SLC35C1: variants seen among roughly 807,000 people sequenced by gnomAD.
The protein encoded by SLC35C1 is GDP-fucose transporter 1.
SLC35C1 carries 8 observed loss-of-function variants against 23.2 expected under a neutral mutation model. The observed-to-expected ratio is 0.35, with a 90% CI of 0.20 to 0.62. SLC35C1 has a LOEUF of 0.62. Among genes scored for constraint, SLC35C1 ranks in the 20% least tolerant of loss-of-function variants. The pLI is 0.75. For missense variants in SLC35C1, 422 were observed against 478.6 expected (o/e 0.88, Z 1.10); for synonymous variants, 226 against 225.1 (o/e 1.00, Z -0.04).
chr11:45,812,831 G>C lies in SLC35C1; in HGVS notation c.*1496G>C. The C allele has an allele frequency of 2.8e-6, 1 of 361,378 alleles. No homozygotes were observed. Among genetic ancestry groups the C allele is most frequent in the South Asian group, 2.0e-5 (1 of 49,094 alleles). 22.4% of individuals were successfully genotyped at this position (361,378 alleles called of 1,614,324 possible). A position where few individuals can be genotyped will look rare whatever the true frequency, so the allele number is the denominator to read the frequency against. On this transcript the variant is annotated 3_prime_UTR_variant, in exon 2 of 2. Transcript: ENST00000314134. ...TTGCAGTCCCTGGCCCTTCTGGTGGGCATTTGGTATGTCCTTTCTCTTGGG... is the reference window on the plus strand; with the variant it reads ...TTGCAGTCCCTGGCCCTTCTGGTGGCCATTTGGTATGTCCTTTCTCTTGGG...
In SLC35C1 at chr11:45,805,306, G is replaced by C. The variant is rs967085137; in HGVS notation, c.-496G>C. 9.9e-7 allele frequency: 1 copy of C among 1,014,722 alleles called. No individual in the cohort carries two copies. Among genetic ancestry groups the C allele is most frequent in the Non-Finnish European group, 1.2e-6 (1 of 849,398 alleles). 62.9% of individuals were successfully genotyped at this position (1,014,722 alleles called of 1,614,324 possible). ...CTCCCTCCAGCCGCGCCCGGCCTCC[G>C]GCAGCTCCCTGTACGCCTCCCTCCC... On this transcript the variant is annotated 5_prime_UTR_variant, in exon 1 of 2. Coordinates refer to ENST00000314134, the MANE Select transcript of SLC35C1 (RefSeq NM_018389.5).
chr11:45,806,873 G>A (rs558179026), intron 1 of SLC35C1: 10 of 984,840 alleles, frequency 1.0e-5, no homozygotes, highest in Middle Eastern at 5.2e-4. Context: ...AGGACAATAC[G>A]TCTTTTAATA....
intron 1 of SLC35C1, among the ~76,000 whole-genome samples, chr11:45,808,444 T>G (rs2085900807): frequency 6.6e-6 from 1 of 152,028 alleles, no homozygotes; most frequent in East Asian, 1.9e-4. Context: ...GAAGTTGCAT[T>G]GAGCCAAGAT....
In SLC35C1 at chr11:45,805,662, C is replaced by T; in HGVS notation, c.-140C>T. 6.5e-7 allele frequency: 1 copy of T among 1,542,300 alleles called. No individual in the cohort carries two copies. On this transcript the variant is annotated 5_prime_UTR_variant, in exon 1 of 2. Transcript: ENST00000314134. ...AGCAGAACTTCTCAATCCATGAGGA[C>T]AATGGGGAGGCCTTTAGGCCAGCCC...
At position 45,806,275 on chromosome 11, in the gene SLC35C1, C is replaced by CT; in HGVS notation, c.475dup (p.Tyr159LeufsTer48). On this transcript the variant is annotated frameshift_variant, in exon 1 of 2. Coordinates refer to ENST00000314134, the MANE Select transcript of SLC35C1 (RefSeq NM_018389.5). LOFTEE classifies it high-confidence loss of function. ...CCACCGTCTTCAACGTGCTGCTCTC[C>CT]TACCTGCTGCTCAAGCAGACCACCT... 1 of 1,612,008 alleles carries CT rather than the reference C, an allele frequency of 6.2e-7. No homozygotes were observed. Among genetic ancestry groups the CT allele is most frequent in the Non-Finnish European group, 8.5e-7 (1 of 1,180,008 alleles).
At chr11:45,804,390 C>A, upstream of SLC35C1, 2 of 730,718 alleles carry the variant, frequency 2.7e-6, no homozygotes, top group Non-Finnish European at 3.3e-6. Flanking sequence ...AGCACGGGGT[C>A]GCGGGGCGGG....
upstream of SLC35C1, chr11:45,804,640 G>A: frequency 1.0e-6 from 1 of 985,884 alleles, no homozygotes; most frequent in South Asian, 4.7e-5. Context: ...GCCTCGGGGA[G>A]CGCTGCCGGG....
At chr11:45,807,599 G>A (rs1258084651) in intron 1 of SLC35C1, among the ~76,000 whole-genome samples, 1 of 152,136 alleles carries the variant, frequency 6.6e-6, no homozygotes, top group African/African-American at 2.4e-5. Flanking sequence ...TTTGCTGATG[G>A]CTCAGGGTCC....
At position 45,811,749 on chromosome 11, in the gene SLC35C1, G is replaced by A. The variant is rs1139267; in HGVS notation, c.*414G>A. Reference sequence around the variant, plus strand: ...CAAAGGCTTCACTGTACTCAGGGGAGATGGCCCTACCACAGCCACCTGGAG... The same window carrying A: ...CAAAGGCTTCACTGTACTCAGGGGAAATGGCCCTACCACAGCCACCTGGAG... On this transcript the variant is annotated 3_prime_UTR_variant, in exon 2 of 2. Coordinates refer to ENST00000314134, the MANE Select transcript of SLC35C1 (RefSeq NM_018389.5). 0.052 allele frequency: 8,526 copies of A among 163,266 alleles called. 326 individuals are homozygous for A. Among genetic ancestry groups the A allele is most frequent in the Non-Finnish European group, 0.073 (5,493 of 74,866 alleles). The allele number at this position is 163,266 out of a possible 1,614,324, so 10.1% of individuals were successfully genotyped here.
chr11:45,804,820 G>T (rs1253997207), upstream of SLC35C1: 1 of 985,796 alleles, frequency 1.0e-6, no homozygotes, highest in Non-Finnish European at 1.2e-6. Flanking sequence ...CGGGTCCTGG[G>T]TCGGGGTTCC....
Position 45,810,071 on chromosome 11 carries a change from C to T in SLC35C1, c.536-705C>T, listed in dbSNP as rs966938779. The T allele has an allele frequency of 1.7e-5, 17 of 985,238 alleles. No individual in the cohort carries two copies. In the African/African-American group the frequency reaches 1.9e-4, roughly 11 times the overall value. 61.0% of individuals were successfully genotyped at this position (985,238 alleles called of 1,614,324 possible). A position where few individuals can be genotyped will look rare whatever the true frequency, so the allele number is the denominator to read the frequency against. On this transcript the variant is annotated intron_variant, in intron 1 of 1. Transcript: ENST00000314134. The stretch of plus-strand genomic sequence containing the variant: ...AGGCCCAGGGTGAGAAGCAGGGAGA[C>T]GAGCAGGGAAGCTGGGGCGACCATA...
chr11:45,811,569 C>T lies in SLC35C1; in HGVS notation c.*234C>T. ...TACCAGAAAGTTGCCAAACCCTTCT[C>T]TATCCTCTCGTATTTCTGAGTTTTT... On this transcript the variant is annotated 3_prime_UTR_variant, in exon 2 of 2. Coordinates refer to ENST00000314134, the MANE Select transcript of SLC35C1 (RefSeq NM_018389.5). The T allele has an allele frequency of 2.2e-6, 1 of 461,012 alleles. No homozygotes were observed. The allele number at this position is 461,012 out of a possible 1,614,324, so 28.6% of individuals were successfully genotyped here. A position where few individuals can be genotyped will look rare whatever the true frequency, so the allele number is the denominator to read the frequency against.
At chr11:45,810,679 C>CA in intron 1 of SLC35C1, 97 bp from the exon 2 acceptor site, 1 of 1,501,660 alleles carries the variant, frequency 6.7e-7, no homozygotes, top group Non-Finnish European at 8.9e-7. Flanking sequence ...CCGCAATACT[C>CA]AGTCTGTGAA....
intron 1 of SLC35C1, chr11:45,809,717 T>C (rs1037855242): frequency 2.5e-5 from 25 of 980,872 alleles, no homozygotes; most frequent in African/African-American, 5.3e-5. Context: ...CAGAGCCTGA[T>C]TGGAGGCTAA....
At position 45,812,659 on chromosome 11, in the gene SLC35C1, G is replaced by A. The variant is rs191299403; in HGVS notation, c.*1324G>A. The A allele has an allele frequency of 2.6e-4, 117 of 455,958 alleles. No individual in the cohort carries two copies. Among genetic ancestry groups the A allele is most frequent in the African/African-American group, 2.3e-3 (113 of 50,166 alleles). The allele number at this position is 455,958 out of a possible 1,614,324, so 28.2% of individuals were successfully genotyped here. On this transcript the variant is annotated 3_prime_UTR_variant, in exon 2 of 2. Coordinates refer to ENST00000314134, the MANE Select transcript of SLC35C1 (RefSeq NM_018389.5). Reference sequence around the variant, plus strand: ...CTGTTCATGAGGGTTCCGCCCCCATGACCCAATCAGCTCCAAAGGCCCCAC... The same window carrying A: ...CTGTTCATGAGGGTTCCGCCCCCATAACCCAATCAGCTCCAAAGGCCCCAC...
At position 45,805,742 on chromosome 11, in the gene SLC35C1, T is replaced by C; in HGVS notation, c.-60T>C. On this transcript the variant is annotated 5_prime_UTR_variant, in exon 1 of 2. Transcript: ENST00000314134. ...TTGCGGAGAGCACAAGTGAGCTCAC[T>C]GCCCTGGACTCCAGGGAATCAGAGT... 1 of 1,603,288 alleles carries C rather than the reference T, an allele frequency of 6.2e-7. No individual in the cohort carries two copies. The highest frequency in any genetic ancestry group is 8.5e-7 in the Non-Finnish European group (1 of 1,179,766).
At position 45,811,427 on chromosome 11, in the gene SLC35C1, C is replaced by A; in HGVS notation, c.*92C>A. ...AAGGCGGTCTCCTGGACCCCAGAAG[C>A]GTGCTGTGGTGTGGACTGGGTGCTA... On this transcript the variant is annotated 3_prime_UTR_variant, in exon 2 of 2. Transcript: ENST00000314134. The A allele has an allele frequency of 2.7e-6, 3 of 1,121,066 alleles. No individual in the cohort carries two copies. The highest frequency in any genetic ancestry group is 1.7e-5 in the South Asian group (1 of 58,886). 69.4% of individuals were successfully genotyped at this position (1,121,066 alleles called of 1,614,324 possible).
chr11:45,807,024 CACATAT>C, intron 1 of SLC35C1: 1 of 422,908 alleles, frequency 2.4e-6, no homozygotes, highest in Non-Finnish European at 3.2e-6. Flanking sequence ...CTAATTATTT[CACATAT>C]AGCATCTCCT....
At chr11:45,808,569 AG>A (rs2085902156) in intron 1 of SLC35C1, among the ~76,000 whole-genome samples, 1 of 152,240 alleles carries the variant, frequency 6.6e-6, no homozygotes, top group Non-Finnish European at 1.5e-5. Flanking sequence ...TGGACTCAGA[AG>A]GTAACCACCA....
Sources: gnomAD v4.1 joint callset for allele counts (sites outside exome capture counted in the v4.1 genomes callset) on GRCh38, gnomAD v4.1.1 for gene constraint, MANE v1.5 for transcripts, NCBI Gene and HGNC (gene_info 2026-07-23, HGNC 2026-07-21) for gene names.